AGAP3: variants seen among roughly 807,000 people sequenced by gnomAD.
AGAP3 encodes ArfGAP with GTPase domain, ankyrin repeat and PH domain 3, also known as arf-GAP with GTPase, ANK repeat and PH domain-containing protein 3.
Under a neutral mutation model 96.9 loss-of-function variants are expected in AGAP3, and 24 were observed. The observed-to-expected ratio is 0.25, with a 90% CI of 0.18 to 0.35. AGAP3 has a LOEUF of 0.35. AGAP3 is among the 10% of genes least tolerant of loss of function. AGAP3 has a pLI of 1.00. For synonymous variants in AGAP3, 563 were observed against 536.1 expected (o/e 1.05, Z -0.69); for missense variants, 876 against 1,254.2 (o/e 0.70, Z 4.55).
At position 151,118,775 on chromosome 7, in the gene AGAP3, T is replaced by G. The variant is rs114098093; in HGVS notation, c.969+143T>G. The G allele has an allele frequency of 4.0e-6, 5 of 1,236,100 alleles. No homozygotes were observed. In the Admixed American group the frequency reaches 5.8e-5, roughly 14 times the overall value. 76.6% of individuals were successfully genotyped at this position (1,236,100 alleles called of 1,614,324 possible). A position where few individuals can be genotyped will look rare whatever the true frequency, so the allele number is the denominator to read the frequency against. On this transcript the variant is annotated intron_variant, in intron 7 of 17. Coordinates refer to ENST00000397238, the MANE Select transcript of AGAP3 (RefSeq NM_031946.7). This position sits in a 1 kb window ranked among gnomAD's most constrained non-coding sequence, Gnocchi z 6.1. Reference sequence around the variant, plus strand: ...AGCCTTGCATGTTGCTTGGAAACATTGGTTGGAATTCCATTTAGCCGGCAC... The same window carrying G: ...AGCCTTGCATGTTGCTTGGAAACATGGGTTGGAATTCCATTTAGCCGGCAC...
In AGAP3 at chr7:151,129,347, GC is replaced by G. The variant is rs532738020; in HGVS notation, c.1326+667del. On this transcript the variant is annotated intron_variant, in intron 10 of 17. Transcript: ENST00000397238. ...CACAGCGCGTGCCCCCCACTGCCCC[GC>G]CCCGGCCCAGAAGCTCTGGGCCTGC... 1.9e-3 allele frequency among the ~76,000 whole-genome samples: 287 copies of G among 152,006 alleles called. 1 individual carries two copies. The highest frequency in any genetic ancestry group is 2.5e-3 in the Non-Finnish European group (170 of 67,946).
At chr7:151,131,484 A>C (rs1183209618) in intron 10 of AGAP3, among the ~76,000 whole-genome samples, 2 of 152,068 alleles carry the variant, frequency 1.3e-5, no homozygotes, top group African/African-American at 4.8e-5. Flanking sequence ...CGCTCTCCTG[A>C]GCAGCCGCCA....
In AGAP3 at chr7:151,118,092, C is replaced by A. The variant is rs753937733; in HGVS notation, c.707-118C>A. ...GACCCAGGCACCCGCGTTCTTGGTGCTCTGTGTGTTCCACTCACCAGGCCC... is the reference window on the plus strand; with the variant it reads ...GACCCAGGCACCCGCGTTCTTGGTGATCTGTGTGTTCCACTCACCAGGCCC... On this transcript the variant is annotated intron_variant, in intron 5 of 17. Transcript: ENST00000397238. This position sits in a 1 kb window ranked among gnomAD's most constrained non-coding sequence, Gnocchi z 6.1. The A allele has an allele frequency of 7.3e-7, 1 of 1,367,730 alleles. No homozygotes were observed. The highest frequency in any genetic ancestry group is 1.0e-6 in the Non-Finnish European group (1 of 1,003,662). 84.7% of individuals were successfully genotyped at this position (1,367,730 alleles called of 1,614,324 possible).
At position 151,120,207 on chromosome 7, in the gene AGAP3, G is replaced by A. The variant is rs551962219; in HGVS notation, c.1128+62G>A. The stretch of plus-strand genomic sequence containing the variant: ...TGCTGCACAGGCAGGGCTGAGCGCC[G>A]AGCTCCCAGCCAGGAGGGGCGTGGG... On this transcript the variant is annotated intron_variant, in intron 8 of 17. Transcript: ENST00000397238. The A allele has an allele frequency of 7.4e-5, 112 of 1,517,934 alleles. No homozygotes were observed. The African/African-American group carries it at 9.3e-4, about 13-fold the overall frequency. The allele number at this position is 1,517,934 out of a possible 1,614,324, so 94.0% of individuals were successfully genotyped here.
Position 151,143,297 on chromosome 7 carries a change from G to C in AGAP3, c.2274-44G>C, listed in dbSNP as rs377272788. 6.4e-7 allele frequency: 1 copy of C among 1,560,422 alleles called. No homozygotes were observed. Among genetic ancestry groups the C allele is most frequent in the Non-Finnish European group, 8.7e-7 (1 of 1,150,892 alleles). On this transcript the variant is annotated intron_variant, in intron 16 of 17. Coordinates refer to ENST00000397238, the MANE Select transcript of AGAP3 (RefSeq NM_031946.7). The surrounding 1 kb of genome is among the most constrained non-coding windows in gnomAD (Gnocchi z 5.9). ...ACCTTCCTGGCCCCACCCGTTGCTC[G>C]GTGACCTTCCTTGGCTCATGCCCTG...
intron 9 of AGAP3, among the ~76,000 whole-genome samples, chr7:151,126,528 C>T (rs1800185711): frequency 7.0e-6 from 1 of 143,350 alleles, no homozygotes; most frequent in South Asian, 2.2e-4. Flanking sequence ...CCATCCCTCA[C>T]ACTTGGTTAT....
chr7:151,116,897 G>GA lies in AGAP3; in HGVS notation c.390+46_390+47insA, dbSNP rs398073173. ...GCACCGGCGGCCTGGAGCTGGGGGG[G>GA]CGAGGCTGGGTGCCGCGGGCCTGGG... On this transcript the variant is annotated intron_variant, in intron 2 of 17. Coordinates refer to ENST00000397238, the MANE Select transcript of AGAP3 (RefSeq NM_031946.7). The GA allele has an allele frequency of 3.7e-6, 6 of 1,611,006 alleles. No individual in the cohort carries two copies. In the African/African-American group the frequency reaches 6.7e-5, roughly 18 times the overall value.
rs1024842509 is a variant in AGAP3 at position 151,108,738 on chromosome 7, C to G, written c.332-8055C>G. Among the ~76,000 whole-genome samples the G allele has an allele frequency of 2.0e-5, 3 of 152,242 alleles. No individual in the cohort carries two copies. Among genetic ancestry groups the G allele is most frequent in the Admixed American group, 6.5e-5 (1 of 15,290 alleles). ...AAATGATGACTTAGAGGCCCAAGCTCCAGCCTGGGATTCTGGAGTCCTGGG... is the reference window on the plus strand; with the variant it reads ...AAATGATGACTTAGAGGCCCAAGCTGCAGCCTGGGATTCTGGAGTCCTGGG... On this transcript the variant is annotated intron_variant, in intron 1 of 17. Transcript: ENST00000397238. The surrounding 1 kb of genome is among the most constrained non-coding windows in gnomAD (Gnocchi z 4.2).
rs372630570 is a variant in AGAP3, at chr7:151,140,086, C to G, written c.1774C>G (p.Arg592Gly). ...GAGGAAAAAGAGCACCGGGACCCCC[C>G]GACCAGACGGCCCCAGCAGTGCTAC... ...HRRKKSTGTP[R>G]PDGPSSATEE... is the part of the protein sequence containing the mutation. Residue 592 changes from arginine (R) to glycine (G), a missense_variant, in exon 13 of 18, where the codon CGA (arginine) becomes GGA (glycine). Physicochemically the swap from Arg to Gly is moderately radical, Grantham distance 125 (BLOSUM62 -2). Transcript: ENST00000397238. This position sits in a 1 kb window ranked among gnomAD's most constrained non-coding sequence, Gnocchi z 5.4. 1.9e-6 allele frequency: 3 copies of G among 1,603,884 alleles called. No individual in the cohort carries two copies. The highest frequency in any genetic ancestry group is 1.1e-5 in the South Asian group (1 of 89,086).
chr7:151,126,868 C>T (rs1160198163), intron 9 of AGAP3, among the ~76,000 whole-genome samples: 7 of 152,204 alleles, frequency 4.6e-5, no homozygotes, highest in Non-Finnish European at 1.0e-4. Context: ...TCTCCCAGGC[C>T]AAGGGGGCCA....
intron 8 of AGAP3, among the ~76,000 whole-genome samples, chr7:151,121,772 G>A (rs921252164): frequency 2.6e-5 from 4 of 152,142 alleles, no homozygotes; most frequent in African/African-American, 9.7e-5. Flanking sequence ...GACCTCACTT[G>A]CACCATTGTC....
At position 151,108,073 on chromosome 7, in the gene AGAP3, A is replaced by C. The variant is rs1476363377; in HGVS notation, c.332-8720A>C. Among the ~76,000 whole-genome samples, 1 of 152,236 alleles carries C rather than the reference A, an allele frequency of 6.6e-6. No homozygotes were observed. Among genetic ancestry groups the C allele is most frequent in the Non-Finnish European group, 1.5e-5 (1 of 68,040 alleles). On this transcript the variant is annotated intron_variant, in intron 1 of 17. Transcript: ENST00000397238. This position sits in a 1 kb window ranked among gnomAD's most constrained non-coding sequence, Gnocchi z 4.2. ...GGAGGAGCTGCTAGAAAGCAGAGCT[A>C]AGCCCACAGTTGCTGTTGCTGGTCA...
Position 151,108,362 on chromosome 7 carries a change from C to A in AGAP3, c.332-8431C>A, listed in dbSNP as rs1294634433. Among the ~76,000 whole-genome samples, 2 of 152,188 alleles carry A rather than the reference C, an allele frequency of 1.3e-5. No individual in the cohort carries two copies. Among genetic ancestry groups the A allele is most frequent in the African/African-American group, 4.8e-5 (2 of 41,454 alleles). ...TTTCGGCTGGAATGACAGCCACTCC[C>A]ACCCCCACCCTGGGGTAATCTCAGT... On this transcript the variant is annotated intron_variant, in intron 1 of 17. Coordinates refer to ENST00000397238, the MANE Select transcript of AGAP3 (RefSeq NM_031946.7). This position sits in a 1 kb window ranked among gnomAD's most constrained non-coding sequence, Gnocchi z 4.2.
rs1043795088 is a variant in AGAP3, at chr7:151,096,982, A to G, written c.331+9910A>G. On this transcript the variant is annotated intron_variant, in intron 1 of 17. Coordinates refer to ENST00000397238, the MANE Select transcript of AGAP3 (RefSeq NM_031946.7). This position sits in a 1 kb window ranked among gnomAD's most constrained non-coding sequence, Gnocchi z 4.4. The stretch of plus-strand genomic sequence containing the variant: ...GTATTTTTTGTAGAGACGGGGTTTT[A>G]CCATGTTGGCCAGGGTGGTCTCGAA... Among the ~76,000 whole-genome samples the G allele has an allele frequency of 6.6e-6, 1 of 150,814 alleles. No individual in the cohort carries two copies. Among genetic ancestry groups the G allele is most frequent in the Non-Finnish European group, 1.5e-5 (1 of 67,752 alleles).
Position 151,140,027 on chromosome 7 carries a change from C to T in AGAP3, c.1715C>T (p.Pro572Leu), listed in dbSNP as rs770021450. 1.2e-6 allele frequency: 2 copies of T among 1,602,178 alleles called. No individual in the cohort carries two copies. Among genetic ancestry groups the T allele is most frequent in the Non-Finnish European group, 1.7e-6 (2 of 1,174,924 alleles). The part of the protein sequence containing the change: ...VLSSSPKLDP[P>L]PSPHSNRKKH... ...AGTTCCAGCCCCAAGCTGGATCCTCCCCCATCTCCCCACTCCAACCGGAAG... is the reference window on the plus strand; with the variant it reads ...AGTTCCAGCCCCAAGCTGGATCCTCTCCCATCTCCCCACTCCAACCGGAAG... The change falls in exon 13 of 18, where the codon CCC becomes CTC. Residue 572 changes from proline (P) to leucine (L), a missense_variant. Transcript: ENST00000397238. The surrounding 1 kb of genome is among the most constrained non-coding windows in gnomAD (Gnocchi z 5.4).
At chr7:151,138,395 TG>T in intron 12 of AGAP3, 82 bp downstream of exon 12, 1 of 1,453,516 alleles carries the variant, frequency 6.9e-7, no homozygotes. Context: ...ATTCTTGGCT[TG>T]GGAGGCTGCA....
intron 8 of AGAP3, chr7:151,120,520 C>T (rs1402046618): frequency 1.2e-6 from 1 of 801,196 alleles, no homozygotes; most frequent in South Asian, 1.4e-5. Flanking sequence ...GATTCAACAG[C>T]TAATGAACCG....
chr7:151,120,372 G>GT (rs1585080959), intron 8 of AGAP3: 1 of 652,382 alleles, frequency 1.5e-6, no homozygotes, highest in East Asian at 2.7e-5. Context: ...CCCTTACCCT[G>GT]TCCCCACAGT....
chr7:151,087,195 A>T (rs1260684577), intron 1 of AGAP3, 123 bp downstream of exon 1: 3 of 1,048,418 alleles, frequency 2.9e-6, no homozygotes, highest in Admixed American at 4.5e-5. Flanking sequence ...CTTGAGGACC[A>T]GGCCACGAGG....
Sources: allele counts gnomAD v4.1 joint callset (sites outside exome capture counted in the v4.1 genomes callset), GRCh38; gene constraint gnomAD v4.1.1; non-coding constraint Gnocchi (gnomAD v3.1); transcripts MANE v1.5; gene names NCBI Gene and HGNC (gene_info 2026-07-23, HGNC 2026-07-21).